GPC5: variants seen among roughly 807,000 people sequenced by gnomAD.
The protein encoded by GPC5 is glypican 5.
Under a neutral mutation model 53.9 loss-of-function variants are expected in GPC5, and 47 were observed. The observed-to-expected ratio is 0.87, with a 90% confidence interval of 0.69 to 1.11. GPC5 has a LOEUF of 1.11. Ranked by LOEUF, GPC5 falls within the 50% of genes most tolerant of loss-of-function variation. The pLI is 0.00. For synonymous variants in GPC5, 286 were observed against 263.3 expected (o/e 1.09, Z -0.84); for missense variants, 748 against 713.1 (o/e 1.05, Z -0.56).
intron 6 of GPC5, among the ~76,000 whole-genome samples, chr13:92,140,783 A>G (rs546653045): frequency 1.4e-4 from 22 of 152,328 alleles, no homozygotes; most frequent in African/African-American, 4.6e-4. Context: ...GATAAACTGT[A>G]ATGACACACG....
intron 7 of GPC5, among the ~76,000 whole-genome samples, chr13:92,346,115 C>T (rs552464912): frequency 6.6e-6 from 1 of 152,262 alleles, no homozygotes; most frequent in African/African-American, 2.4e-5. Context: ...AGAGGCTAGA[C>T]CTGCTTGACC....
At chr13:92,708,467 T>C (rs1888022615) in intron 7 of GPC5, among the ~76,000 whole-genome samples, 1 of 152,174 alleles carries the variant, frequency 6.6e-6, no homozygotes, top group African/African-American at 2.4e-5. Flanking sequence ...TCTTTGGCAA[T>C]AGAAGTGATT....
At position 91,482,334 on chromosome 13, in the gene GPC5, C is replaced by T. The variant is rs140708625; in HGVS notation, c.325+33412C>T. Among the ~76,000 whole-genome samples, 11 of 152,224 alleles carry T rather than the reference C, an allele frequency of 7.2e-5. No individual in the cohort carries two copies. In the East Asian group the frequency reaches 9.7e-4, roughly 13 times the overall value. On this transcript the variant is annotated intron_variant, in intron 2 of 7. Transcript: ENST00000377067. ...TTGGAATCAGAGACTCAGCCCTTTC[C>T]GGGCACCAACCTACCAGTGCCTTGA...
intron 6 of GPC5, among the ~76,000 whole-genome samples, chr13:92,058,311 GCCACTGTGTGT>G (rs1162866294): frequency 2.0e-5 from 3 of 152,140 alleles, no homozygotes; most frequent in Non-Finnish European, 4.4e-5. Context: ...AGAAGTGTAA[GCCACTGTGTGT>G]GGCCAGAATT....
chr13:92,801,032 A>G (rs1876884854), intron 7 of GPC5, among the ~76,000 whole-genome samples: 1 of 151,744 alleles, frequency 6.6e-6, no homozygotes, highest in Non-Finnish European at 1.5e-5. Flanking sequence ...AAAAAGAAAA[A>G]AAAAAGAAAA....
intron 6 of GPC5, among the ~76,000 whole-genome samples, chr13:92,110,443 G>A (rs1228020232): frequency 6.6e-6 from 1 of 151,846 alleles, no homozygotes; most frequent in African/African-American, 2.4e-5. Flanking sequence ...ATTCTATCAT[G>A]GCATATTTAA....
chr13:92,255,394 T>G (rs1398518586), intron 7 of GPC5, among the ~76,000 whole-genome samples: 2 of 152,174 alleles, frequency 1.3e-5, no homozygotes, highest in South Asian at 2.1e-4. Context: ...TCAGTAAACT[T>G]GCATGGAAGA....
At chr13:92,823,670 G>A (rs527605190) in intron 7 of GPC5, among the ~76,000 whole-genome samples, 8 of 152,140 alleles carry the variant, frequency 5.3e-5, no homozygotes, top group African/African-American at 1.4e-4. Context: ...GTGTTTACTA[G>A]CATTGCAATT....
intron 7 of GPC5, among the ~76,000 whole-genome samples, chr13:92,399,460 TTCC>T (rs1392688935): frequency 4.6e-5 from 7 of 152,130 alleles, no homozygotes; most frequent in African/African-American, 1.7e-4. Context: ...TTCCAGATCA[TTCC>T]TCAAGTAAAA....
intron 7 of GPC5, among the ~76,000 whole-genome samples, chr13:92,622,001 C>T (rs1884886067): frequency 6.6e-6 from 1 of 152,052 alleles, no homozygotes; most frequent in African/African-American, 2.4e-5. Flanking sequence ...TGAAAGCTCC[C>T]CTCGACTAAT....
intron 7 of GPC5, among the ~76,000 whole-genome samples, chr13:92,303,600 G>A (rs1223200247): frequency 1.3e-5 from 2 of 152,146 alleles, no homozygotes; most frequent in Non-Finnish European, 2.9e-5. Flanking sequence ...GGTCACTGGT[G>A]ATGAAATGCC....
chr13:92,171,597 A>G (rs1419667768), intron 7 of GPC5, among the ~76,000 whole-genome samples: 2 of 152,040 alleles, frequency 1.3e-5, no homozygotes, highest in African/African-American at 2.4e-5. Context: ...TTAGTTGTTC[A>G]TTTTCCACAA....
intron 2 of GPC5, among the ~76,000 whole-genome samples, chr13:91,690,421 C>T (rs558578987): frequency 1.3e-5 from 2 of 152,130 alleles, no homozygotes; most frequent in African/African-American, 4.8e-5. Context: ...TTTTTAATTA[C>T]AAACTCAAAG....
At chr13:91,560,390 G>T (rs2138902658) in intron 2 of GPC5, among the ~76,000 whole-genome samples, 1 of 152,246 alleles carries the variant, frequency 6.6e-6, no homozygotes, top group East Asian at 1.9e-4. Flanking sequence ...CCATTGATAT[G>T]TGTTTGCTGA....
intron 7 of GPC5, among the ~76,000 whole-genome samples, chr13:92,372,633 C>G (rs1291051627): frequency 2.0e-5 from 3 of 152,054 alleles, no homozygotes; most frequent in African/African-American, 7.2e-5. Context: ...CACTAAATGC[C>G]ACATGCCAAA....
intron 7 of GPC5, among the ~76,000 whole-genome samples, chr13:92,190,685 CTA>C (rs1458755815): frequency 6.6e-6 from 1 of 151,866 alleles, no homozygotes; most frequent in Non-Finnish European, 1.5e-5. Flanking sequence ...ATTGCAAACT[CTA>C]TGAAAACCAT....
chr13:92,706,978 ATC>A (rs1240798660), intron 7 of GPC5, among the ~76,000 whole-genome samples: 1 of 152,110 alleles, frequency 6.6e-6, no homozygotes, highest in African/African-American at 2.4e-5. Flanking sequence ...AATATGTGAG[ATC>A]TCTTTCTCTG....
chr13:91,577,954 A>G (rs2032200089), intron 2 of GPC5, among the ~76,000 whole-genome samples: 1 of 152,356 alleles, frequency 6.6e-6, no homozygotes, highest in Non-Finnish European at 1.5e-5. Context: ...AATAAATAGA[A>G]TAAGGCAGAA....
At chr13:92,678,730 T>C (rs543014630) in intron 7 of GPC5, among the ~76,000 whole-genome samples, 1 of 152,310 alleles carries the variant, frequency 6.6e-6, no homozygotes, top group South Asian at 2.1e-4. Flanking sequence ...GAGGCTGATA[T>C]GGTTCACAGC....
Sources: allele counts gnomAD v4.1 joint callset (sites outside exome capture counted in the v4.1 genomes callset), GRCh38; gene constraint gnomAD v4.1.1; transcripts MANE v1.5; gene names NCBI Gene and HGNC (gene_info 2026-07-23, HGNC 2026-07-21).